RASGEF1C: variants seen among roughly 807,000 people sequenced by gnomAD.
The protein encoded by RASGEF1C is RasGEF domain family member 1C, also known as ras-GEF domain-containing family member 1C.
In RASGEF1C, 27 loss-of-function variants were observed where a neutral mutation model predicts 58.1. The ratio of observed to expected loss-of-function variants is 0.46; its 90% CI spans 0.34 to 0.64. RASGEF1C has a LOEUF of 0.64. Among genes scored for constraint, RASGEF1C ranks in the 30% least tolerant of loss-of-function variants. The pLI, the probability that RASGEF1C is intolerant of heterozygous loss-of-function variation, is 0.01. For synonymous variants in RASGEF1C, 243 were observed against 246.3 expected, an observed-to-expected ratio of 0.99 and a Z score of 0.13; for missense variants, 502 against 605.1, an observed-to-expected ratio of 0.83 and a Z score of 1.79.
chr5:180,187,716 A>G (rs915935353), intron 1 of RASGEF1C, among the ~76,000 whole-genome samples: 1 of 152,202 alleles, frequency 6.6e-6, no homozygotes, highest in Non-Finnish European at 1.5e-5. Context: ...TCCAAAAGAG[A>G]TACACAAATG....
intron 4 of RASGEF1C, among the ~76,000 whole-genome samples, chr5:180,132,164 G>A (rs1766380881): frequency 6.6e-6 from 1 of 152,228 alleles, no homozygotes; most frequent in Non-Finnish European, 1.5e-5. Flanking sequence ...CTGGGGTGGA[G>A]CAGCACTTTG....
intron 10 of RASGEF1C, among the ~76,000 whole-genome samples, chr5:180,116,412 A>G (rs1766069002): frequency 6.6e-6 from 1 of 151,604 alleles, no homozygotes; most frequent in Non-Finnish European, 1.5e-5. Flanking sequence ...GGAAGCTGTG[A>G]GCACCACTCT....
At chr5:180,105,824 T>C (rs2113235116) in intron 12 of RASGEF1C, among the ~76,000 whole-genome samples, 1 of 150,480 alleles carries the variant, frequency 6.6e-6, no homozygotes, top group South Asian at 2.1e-4. Flanking sequence ...GCCGAGATCG[T>C]GCCACTGCAC....
Position 180,142,729 on chromosome 5 carries a change from C to T in RASGEF1C, c.-6-4671G>A, listed in dbSNP as rs572836462. Among the ~76,000 whole-genome samples the T allele has an allele frequency of 2.0e-3, 297 of 152,228 alleles. 1 individual carries two copies. The highest frequency in any genetic ancestry group is 6.5e-3 in the African/African-American group (270 of 41,556). On this transcript the variant is annotated intron_variant, in intron 1 of 13. Transcript: ENST00000361132. ...GTGCGGATGGTGGGAATGACATTCA[C>T]GTGGATGAAGACTGCAGTGAGGCCC...
At chr5:180,147,298 T>C (rs1201116511) in intron 1 of RASGEF1C, among the ~76,000 whole-genome samples, 1 of 151,954 alleles carries the variant, frequency 6.6e-6, no homozygotes, top group African/African-American at 2.4e-5. Flanking sequence ...TATTCTCTTT[T>C]ATTTATCTCT....
At chr5:180,160,471 C>T (rs1488899865) in intron 1 of RASGEF1C, among the ~76,000 whole-genome samples, 1 of 152,208 alleles carries the variant, frequency 6.6e-6, no homozygotes, top group Non-Finnish European at 1.5e-5. Context: ...CTGACCATCA[C>T]TCCCCCACTT....
rs1756323813 is a variant in RASGEF1C, at chr5:180,198,750, C to T, written c.-7+10278G>A. Among the ~76,000 whole-genome samples the T allele has an allele frequency of 6.6e-6, 1 of 152,158 alleles. No homozygotes were observed. Among genetic ancestry groups the T allele is most frequent in the South Asian group, 2.1e-4 (1 of 4,832 alleles). ...ACATATAAATTTGTGGGGGGACATG[C>T]TCAGACCATAGCAGATGGGTTCAAA... On this transcript the variant is annotated intron_variant, in intron 1 of 13. Coordinates refer to ENST00000361132, the MANE Select transcript of RASGEF1C (RefSeq NM_175062.4). The surrounding 1 kb of genome is among the most constrained non-coding windows in gnomAD (Gnocchi z 4.5).
intron 1 of RASGEF1C, among the ~76,000 whole-genome samples, chr5:180,176,501 C>T (rs775889817): frequency 1.3e-4 from 20 of 151,858 alleles, no homozygotes; most frequent in Admixed American, 3.9e-4. Flanking sequence ...GCTGCCTGTG[C>T]GGGCCCAGCT....
In RASGEF1C at chr5:180,156,292, G is replaced by A. The variant is rs752832037; in HGVS notation, c.-6-18234C>T. 2.0e-5 allele frequency among the ~76,000 whole-genome samples: 3 copies of A among 152,154 alleles called. No homozygotes were observed. The highest frequency in any genetic ancestry group is 6.5e-5 in the Admixed American group (1 of 15,282). On this transcript the variant is annotated intron_variant, in intron 1 of 13. Transcript: ENST00000361132. The surrounding 1 kb of genome is among the most constrained non-coding windows in gnomAD (Gnocchi z 4.9). Reference sequence around the variant, plus strand: ...TGGACGGAGGCTCCAGGAGGTGAGCGGATCAGTCTCCAGGCTGTGGTCTGA... The same window carrying A: ...TGGACGGAGGCTCCAGGAGGTGAGCAGATCAGTCTCCAGGCTGTGGTCTGA...
intron 1 of RASGEF1C, among the ~76,000 whole-genome samples, chr5:180,174,990 G>T (rs1230607265): frequency 6.6e-6 from 1 of 152,146 alleles, no homozygotes; most frequent in Non-Finnish European, 1.5e-5. Flanking sequence ...CAGGCACAGG[G>T]ACTCTGCTTC....
At chr5:180,113,284 AT>A (rs1384598002) in intron 11 of RASGEF1C, among the ~76,000 whole-genome samples, 3 of 80,134 alleles carry the variant, frequency 3.7e-5, no homozygotes, top group Admixed American at 1.2e-4. Flanking sequence ...GGACGGAGGG[AT>A]CCAGGATGGA....
intron 1 of RASGEF1C, among the ~76,000 whole-genome samples, chr5:180,186,010 C>T (rs1756028757): frequency 6.8e-6 from 1 of 147,588 alleles, no homozygotes; most frequent in Non-Finnish European, 1.5e-5. Context: ...GATGGGCAGG[C>T]TGATTGAGCC....
At chr5:180,111,730 G>A (rs1448864444) in intron 11 of RASGEF1C, 150 bp from the exon 12 acceptor site, 3 of 771,540 alleles carry the variant, frequency 3.9e-6, no homozygotes, top group Non-Finnish European at 6.4e-6. Context: ...GAGGGCGAGA[G>A]CAGTCCTGGC....
At chr5:180,179,968 C>T (rs145808845) in intron 1 of RASGEF1C, among the ~76,000 whole-genome samples, 198 of 152,212 alleles carry the variant, frequency 1.3e-3, no homozygotes, top group African/African-American at 4.4e-3. Context: ...AAGAAAAGCA[C>T]AAAGGAAAGG....
At chr5:180,159,313 G>A (rs968419755) in intron 1 of RASGEF1C, among the ~76,000 whole-genome samples, 7 of 151,750 alleles carry the variant, frequency 4.6e-5, no homozygotes, top group Admixed American at 3.9e-4. Context: ...CTAATTTTTT[G>A]TATTTGAGTG....
intron 6 of RASGEF1C, among the ~76,000 whole-genome samples, chr5:180,123,494 A>AGAT (rs1480603058): frequency 6.6e-6 from 1 of 152,252 alleles, no homozygotes; most frequent in African/African-American, 2.4e-5. Context: ...TATGTTTCAA[A>AGAT]GATGAAATCA....
chr5:180,102,214 CTGCG>C, intron 12 of RASGEF1C, 71 bp from the exon 13 acceptor site: 1 of 876,174 alleles, frequency 1.1e-6, no homozygotes. Flanking sequence ...CCTGCTATAT[CTGCG>C]TGGGTCTCTT....
chr5:180,127,558 C>T (rs568111156), intron 6 of RASGEF1C, 51 bp downstream of exon 6: 7 of 1,529,616 alleles, frequency 4.6e-6, no homozygotes, highest in South Asian at 1.3e-5. Context: ...CGGAGAGCGG[C>T]CAGTCACTGG....
chr5:180,160,902 A>ACAGAT (rs1766930512), intron 1 of RASGEF1C, among the ~76,000 whole-genome samples: 1 of 152,226 alleles, frequency 6.6e-6, no homozygotes, highest in Non-Finnish European at 1.5e-5. Flanking sequence ...CTGTGTTTAC[A>ACAGAT]GTATAACACA....
Sources: gnomAD v4.1 joint callset for allele counts (sites outside exome capture counted in the v4.1 genomes callset) on GRCh38, gnomAD v4.1.1 for gene constraint, Gnocchi (gnomAD v3.1) non-coding constraint, MANE v1.5 for transcripts, NCBI Gene and HGNC (gene_info 2026-07-23, HGNC 2026-07-21) for gene names.